The following SSX2IP variants were observed in gnomAD, a reference collection of about 807,000 sequenced individuals.
SSX2IP encodes the protein SSX family member 2 interacting protein.
Under a neutral mutation model 84.9 loss-of-function variants are expected in SSX2IP, and 55 were observed. The observed-to-expected ratio is 0.65, with a 90% confidence interval of 0.52 to 0.81. The LOEUF is 0.81. Among genes scored for constraint, SSX2IP ranks in the 30% least tolerant of loss-of-function variants. SSX2IP has a pLI of 0.00. For synonymous variants in SSX2IP, 239 were observed against 234.7 expected (o/e 1.02, Z -0.17); for missense variants, 664 against 705.2 (o/e 0.94, Z 0.66).
At chr1:84,679,249 C>T (rs987951380) in intron 1 of SSX2IP, among the ~76,000 whole-genome samples, 2 of 152,194 alleles carry the variant, frequency 1.3e-5, no homozygotes, top group South Asian at 2.1e-4. Flanking sequence ...TAAAGGAGAC[C>T]GTAGCTTTGA....
intron 1 of SSX2IP, among the ~76,000 whole-genome samples, chr1:84,673,997 A>G (rs1653942842): frequency 1.3e-5 from 2 of 152,190 alleles, no homozygotes; most frequent in Non-Finnish European, 2.9e-5. Context: ...GATGAGAAGG[A>G]TAAAGACTGT....
At chr1:84,671,088 C>A in intron 2 of SSX2IP, 89 bp downstream of exon 2, 1 of 1,449,310 alleles carries the variant, frequency 6.9e-7, no homozygotes, top group Non-Finnish European at 9.4e-7. Context: ...GTCACATCTT[C>A]AACATCTGCA....
chr1:84,653,709 C>T (rs1650664835), intron 11 of SSX2IP, among the ~76,000 whole-genome samples: 1 of 152,140 alleles, frequency 6.6e-6, no homozygotes, highest in Non-Finnish European at 1.5e-5. Context: ...TGAAAACAAG[C>T]AACACACAGT....
In SSX2IP at chr1:84,650,438, T is replaced by G; in HGVS notation, c.1594A>C (p.Lys532Gln). ...VSNGSPVCMS[K>Q]LTKSLPASPS... is the part of the protein sequence containing the mutation. ...GAAGCAGGAAGAGATTTAGTAAGTT[T>G]AGACATGCAAACTGGAGACCCATTA... is the stretch of plus-strand genomic sequence containing the variant. Residue 532 changes from lysine (K) to glutamine (Q), a missense_variant, in exon 13 of 14, where the codon AAA (lysine) becomes CAA (glutamine). Transcript: ENST00000342203. 1 of 1,614,196 alleles carries G rather than the reference T, an allele frequency of 6.2e-7. No homozygotes were observed. The highest frequency in any genetic ancestry group is 1.3e-5 in the African/African-American group (1 of 75,050).
At chr1:84,670,544 A>C in intron 3 of SSX2IP, 102 bp downstream of exon 3, 1 of 822,924 alleles carries the variant, frequency 1.2e-6, no homozygotes, top group South Asian at 2.3e-5. Flanking sequence ...GGGGCACTAC[A>C]TAAACAACAA....
intron 8 of SSX2IP, among the ~76,000 whole-genome samples, chr1:84,659,722 C>T (rs1651649189): frequency 6.7e-6 from 1 of 149,392 alleles, no homozygotes; most frequent in Admixed American, 6.7e-5. Context: ...CACTTGAACC[C>T]GGGAGGCAGA....
At chr1:84,670,100 T>G (rs774087086) in intron 3 of SSX2IP, 1 of 442,454 alleles carries the variant, frequency 2.3e-6, no homozygotes, top group Middle Eastern at 6.0e-4. Context: ...ATGGGAGGTA[T>G]GCACACTGAG....
intron 13 of SSX2IP, among the ~76,000 whole-genome samples, chr1:84,649,164 T>C (rs2102138754): frequency 6.6e-6 from 1 of 152,014 alleles, no homozygotes; most frequent in East Asian, 1.9e-4. Flanking sequence ...GCAAGCAGAG[T>C]GGGATTATAT....
At chr1:84,653,449 C>T (rs1391473966) in intron 11 of SSX2IP, among the ~76,000 whole-genome samples, 1 of 152,110 alleles carries the variant, frequency 6.6e-6, no homozygotes, top group Non-Finnish European at 1.5e-5. Context: ...TCTTGCATGC[C>T]TCCCTCCCAT....
intron 8 of SSX2IP, among the ~76,000 whole-genome samples, chr1:84,659,538 G>A (rs952380962): frequency 6.6e-6 from 1 of 152,112 alleles, no homozygotes; most frequent in Non-Finnish European, 1.5e-5. Context: ...GCTCATGCCT[G>A]TATGTAATCC....
At chr1:84,669,654 A>T (rs749180095) in intron 4 of SSX2IP, 27 bp downstream of exon 4, 1 of 1,556,916 alleles carries the variant, frequency 6.4e-7, no homozygotes, top group Non-Finnish European at 8.9e-7. Context: ...TAATTATGGC[A>T]TTAAAATATG....
At chr1:84,650,023 A>G in intron 13 of SSX2IP, 1 of 642,772 alleles carries the variant, frequency 1.6e-6, no homozygotes, top group Non-Finnish European at 2.9e-6. Flanking sequence ...TCAAAACAAT[A>G]TCCTTCCATT....
rs1431267190 is a variant in SSX2IP, at chr1:84,644,433, G to A, written c.*3000C>T. 3.3e-5 allele frequency: 5 copies of A among 152,074 alleles called. No individual in the cohort carries two copies. Among genetic ancestry groups the A allele is most frequent in the Admixed American group, 3.3e-4 (5 of 15,260 alleles). The allele number at this position is 152,074 out of a possible 1,614,324, so 9.4% of individuals were successfully genotyped here. A position where few individuals can be genotyped will look rare whatever the true frequency, so the allele number is the denominator to read the frequency against. ...CAGTAGTAAGCCTTGACATACAGCA[G>A]GTACTTAATAAATGCTTACCAAAAG... On this transcript the variant is annotated 3_prime_UTR_variant, in exon 14 of 14. Transcript: ENST00000342203.
chr1:84,656,744 C>T lies in SSX2IP; in HGVS notation c.1079-260G>A, dbSNP rs936005194. On this transcript the variant is annotated intron_variant, in intron 9 of 13. Transcript: ENST00000342203. ...TCATGACGACAATTACACATTTGTG[C>T]AATTTTAAGACTAAATGATATGCTT... Among the ~76,000 whole-genome samples the T allele has an allele frequency of 3.9e-5, 6 of 152,194 alleles. 1 individual carries two copies.
intron 1 of SSX2IP, among the ~76,000 whole-genome samples, chr1:84,682,504 C>CT (rs375144986): frequency 4.5e-3 from 631 of 140,250 alleles, no homozygotes; most frequent in South Asian, 0.01. Flanking sequence ...TTTGTCTTCA[C>CT]TTTTTTTTTT....
chr1:84,688,161 GGCCCAC>G (rs1656051243), intron 1 of SSX2IP, among the ~76,000 whole-genome samples: 1 of 152,062 alleles, frequency 6.6e-6, no homozygotes, highest in Non-Finnish European at 1.5e-5. Flanking sequence ...ATAAAACATT[GGCCCAC>G]AATCAAAAGG....
At chr1:84,671,081 A>G (rs979555142) in intron 2 of SSX2IP, 96 bp downstream of exon 2, 20 of 1,396,038 alleles carry the variant, frequency 1.4e-5, no homozygotes, top group Admixed American at 2.2e-5. Flanking sequence ...CTCTTTAGTC[A>G]CATCTTCAAC....
intron 11 of SSX2IP, among the ~76,000 whole-genome samples, chr1:84,653,936 A>C (rs1264112008): frequency 2.6e-5 from 4 of 152,200 alleles, no homozygotes; most frequent in African/African-American, 9.6e-5. Flanking sequence ...AATTAAGGAC[A>C]TTAGAAAAAT....
intron 1 of SSX2IP, among the ~76,000 whole-genome samples, chr1:84,683,786 T>C (rs559386003): frequency 6.6e-6 from 1 of 152,310 alleles, no homozygotes; most frequent in East Asian, 1.9e-4. Flanking sequence ...TAATCTTGAT[T>C]GGTAACAGCT....
Sources: allele counts gnomAD v4.1 joint callset (sites outside exome capture counted in the v4.1 genomes callset), GRCh38; gene constraint gnomAD v4.1.1; transcripts MANE v1.5; gene names NCBI Gene and HGNC (gene_info 2026-07-23, HGNC 2026-07-21).